TTN: variants seen among roughly 807,000 people sequenced by gnomAD.
The protein encoded by TTN is titin.
In TTN, 1,525 loss-of-function variants were observed where a neutral mutation model predicts 3,223.0. That is an observed-to-expected ratio of 0.47 (90% CI 0.45 to 0.49). The LOEUF (loss-of-function observed/expected upper bound fraction) is 0.49, where lower values mean the gene tolerates loss of function less well. Ranked by LOEUF, TTN falls within the 20% of genes least tolerant of loss-of-function variation. The pLI, the probability that TTN is intolerant of heterozygous loss-of-function variation, is 0.00. For missense variants in TTN, 40,786 were observed against 43,424.0 expected (o/e 0.94, Z 5.40); for synonymous variants, 14,094 against 15,161.0 (o/e 0.93, Z 5.17).
chr2:178,604,346 C>T, intron 281 of TTN, 41 bp from the exon 282 acceptor site: 1 of 1,379,994 alleles, frequency 7.2e-7, no homozygotes, highest in Non-Finnish European at 9.4e-7. Context: ...AGAGAATATA[C>T]TTATGTTGGT....
Position 178,667,228 on chromosome 2 carries a change from A to T in TTN, c.35797+8T>A. 6.3e-7 allele frequency: 1 copy of T among 1,589,240 alleles called. No individual in the cohort carries two copies. The highest frequency in any genetic ancestry group is 8.6e-7 in the Non-Finnish European group (1 of 1,166,976). ...CTTCTTTAGATTTTCCTAACTAGAG[A>T]ATTATACCTTCAGTTGGAGGATGTT... On this transcript the variant is annotated splice_region_variant and intron_variant, in intron 162 of 362. Coordinates refer to ENST00000589042, the MANE Select transcript of TTN (RefSeq NM_001267550.2).
In TTN at chr2:178,776,932, T is replaced by C; in HGVS notation, c.4932A>G (p.Lys1644=). The C allele has an allele frequency of 6.2e-7, 1 of 1,613,550 alleles. No individual in the cohort carries two copies. Among genetic ancestry groups the C allele is most frequent in the Non-Finnish European group, 8.5e-7 (1 of 1,179,780 alleles). The change falls in exon 28 of 363, where the codon AAA becomes AAG. Residue 1644 remains lysine (K), a synonymous_variant. Transcript: ENST00000589042. The part of the protein sequence containing the change: ...NKAGRDTTRC[K]VNVEVEFAEP... ...CTGCAAACTCAACTTCAACATTTAC[T>C]TTGCATCTTGTAGTGTCTCTGCCAG...
Position 178,605,628 on chromosome 2 carries a change from A to G in TTN, c.53667T>C (p.Asn17889=). The change falls in exon 279 of 363, where the codon AAT becomes AAC. Residue 17889 remains asparagine (N), a synonymous_variant. Coordinates refer to ENST00000589042, the MANE Select transcript of TTN (RefSeq NM_001267550.2). ...TATATCCTTGGATGGGACTGCCACC[A>G]TTACTGCGGGGCTCTTTCCAGTCAA... is the stretch of plus-strand genomic sequence containing the variant. The part of the protein sequence containing the change: ...ITLDWKEPRS[N]GGSPIQGYII... The G allele has an allele frequency of 1.2e-6, 2 of 1,611,746 alleles. No homozygotes were observed. The highest frequency in any genetic ancestry group is 1.7e-6 in the Non-Finnish European group (2 of 1,178,660).
rs374231453 is a variant in TTN, at chr2:178,632,650, T to C, written c.43356A>G (p.Arg14452=). ...KGTQEITGDD[R]FELIKDGTKH... Reference sequence around the variant, plus strand: ...TAGTGCCATCCTTTATAAGCTCAAATCTGTCATCACCTGTGATTTCCTGGG... The same window carrying C: ...TAGTGCCATCCTTTATAAGCTCAAACCTGTCATCACCTGTGATTTCCTGGG... The change falls in exon 235 of 363, where the codon AGA becomes AGG. Residue 14452 remains arginine (R), a synonymous_variant. Transcript: ENST00000589042. 1.9e-6 allele frequency: 3 copies of C among 1,613,502 alleles called. No homozygotes were observed. The highest frequency in any genetic ancestry group is 2.5e-6 in the Non-Finnish European group (3 of 1,179,576).
At chr2:178,694,096 GAC>G (rs1330358064) in intron 117 of TTN, 88 bp from the exon 118 acceptor site, 20 of 970,780 alleles carry the variant, frequency 2.1e-5, no homozygotes, top group Non-Finnish European at 3.1e-5. Flanking sequence ...CAAGTATTTA[GAC>G]ACAGAATGAG....
Position 178,677,255 on chromosome 2 carries a change from T to C in TTN, c.34324A>G (p.Lys11442Glu), listed in dbSNP as rs2068272831. 3.3e-6 allele frequency: 4 copies of C among 1,220,114 alleles called. No individual in the cohort carries two copies. In the South Asian group the frequency reaches 1.7e-4, roughly 51 times the overall value. The allele number at this position is 1,220,114 out of a possible 1,614,324, so 75.6% of individuals were successfully genotyped here. The change falls in exon 147 of 363, where the codon AAG becomes GAG. Residue 11442 changes from lysine (K) to glutamate (E), a missense_variant. Coordinates refer to ENST00000589042, the MANE Select transcript of TTN (RefSeq NM_001267550.2). ...PEVPKKPVPEKKVPVPAPKKV... is the reference protein window; with the variant it reads ...PEVPKKPVPEEKVPVPAPKKV... ...TTAGGGGCGGGAACAGGGACTTTCT[T>C]CTCTGGTACAGGTTTCTTTGGCACT...
Position 178,637,187 on chromosome 2 carries a change from A to C in TTN, c.40927+182T>G, listed in dbSNP as rs141092414. On this transcript the variant is annotated intron_variant, in intron 224 of 362. Transcript: ENST00000589042. ...TATATATATATATATATATATATAT[A>C]TATCTCCTTGCATAATACTAAAAGT... Among the ~76,000 whole-genome samples, 320 of 125,290 alleles carry C rather than the reference A, an allele frequency of 2.6e-3. 5 individuals carry two copies. The highest frequency in any genetic ancestry group is 9.3e-3 in the African/African-American group (307 of 32,852). 82.2% of individuals were successfully genotyped at this position (125,290 alleles called of 152,430 possible). A position where few individuals can be genotyped will look rare whatever the true frequency, so the allele number is the denominator to read the frequency against.
chr2:178,620,487 T>C lies in TTN; in HGVS notation c.46034A>G (p.Asn15345Ser). 1 of 1,612,436 alleles carries C rather than the reference T, an allele frequency of 6.2e-7. No individual in the cohort carries two copies. The highest frequency in any genetic ancestry group is 8.5e-7 in the Non-Finnish European group (1 of 1,178,986). Residue 15345 changes from asparagine to serine, a missense_variant, in exon 248 of 363, where the codon AAC becomes AGC. By Grantham distance (46) the Asn-to-Ser change is conservative. Transcript: ENST00000589042. ...CTTATCAACTCTGTATGAGACACGG[T>C]TGTCAAAAGGCACTTCTTCACCATT... ...TKNGEEVPFDNRVSYRVDKYK... is the reference protein window; with the variant it reads ...TKNGEEVPFDSRVSYRVDKYK...
chr2:178,741,749 A>C lies in TTN; in HGVS notation c.11484T>G (p.Asn3828Lys). ...TGPIFIKEVS[N>K]ADISMGDVAT... Reference sequence around the variant, plus strand: ...CCACATCCCCCATGCTTATATCAGCATTTGACACTTCTTTGATGAAAATTG... The same window carrying C: ...CCACATCCCCCATGCTTATATCAGCCTTTGACACTTCTTTGATGAAAATTG... Residue 3828 changes from asparagine to lysine, a missense_variant, in exon 48 of 363, where the codon AAT (asparagine) becomes AAG (lysine). Transcript: ENST00000589042. 6.2e-7 allele frequency: 1 copy of C among 1,613,668 alleles called. No homozygotes were observed. Among genetic ancestry groups the C allele is most frequent in the Admixed American group, 1.7e-5 (1 of 59,962 alleles).
Position 178,792,169 on chromosome 2 carries a change from A to G in TTN, c.1565T>C (p.Val522Ala), listed in dbSNP as rs752904431. The G allele has an allele frequency of 8.1e-6, 13 of 1,608,602 alleles. No individual in the cohort carries two copies. The highest frequency in any genetic ancestry group is 1.0e-5 in the Non-Finnish European group (12 of 1,178,762). The change falls in exon 10 of 363, where the codon GTA becomes GCA. Residue 522 changes from valine (V) to alanine (A), a missense_variant. By Grantham distance (64) the Val-to-Ala change is moderately conservative. Transcript: ENST00000589042. ...QIRKETEKTF[V>A]PKVVISAAKA... ...AGCTGCGGAAATTACTACCTTTGGT[A>G]CAAATGTTTTTTCAGTTTCTTTTCT...
At position 178,621,696 on chromosome 2, in the gene TTN, C is replaced by T. The variant is rs376144178; in HGVS notation, c.45128G>A (p.Ser15043Asn). ...FTKNLANIEV[S>N]ETDTIKLVCE... ...AACCAGTTTTATAGTGTCTGTTTCACTAACTTCAATGTTGGCAAGATTTTT... is the reference window on the plus strand; with the variant it reads ...AACCAGTTTTATAGTGTCTGTTTCATTAACTTCAATGTTGGCAAGATTTTT... The change falls in exon 245 of 363, where the codon AGT (serine) becomes AAT (asparagine). Residue 15043 changes from serine (S) to asparagine (N), a missense_variant. Physicochemically the swap from Ser to Asn is conservative, Grantham distance 46 (BLOSUM62 1). Transcript: ENST00000589042. 7.4e-5 allele frequency: 119 copies of T among 1,611,932 alleles called. No homozygotes were observed. Among genetic ancestry groups the T allele is most frequent in the Non-Finnish European group, 9.2e-5 (109 of 1,179,002 alleles).
In TTN at chr2:178,675,507, G is replaced by A. The variant is rs560743647; in HGVS notation, c.34537+164C>T. Among the ~76,000 whole-genome samples the A allele has an allele frequency of 1.3e-4, 19 of 151,856 alleles. No individual in the cohort carries two copies. In the South Asian group the frequency reaches 2.3e-3, roughly 18 times the overall value. On this transcript the variant is annotated intron_variant, in intron 149 of 362. Coordinates refer to ENST00000589042, the MANE Select transcript of TTN (RefSeq NM_001267550.2). ...ACGATGTAAAGCACACCAACACCAA[G>A]TGAAAAAATGGACACAACACAAACT...
intron 221 of TTN, among the ~76,000 whole-genome samples, 182 bp from the exon 222 acceptor site, chr2:178,640,292 A>C (rs778705805): frequency 6.6e-6 from 1 of 152,006 alleles, no homozygotes; most frequent in Non-Finnish European, 1.5e-5. Flanking sequence ...ATAGTAAGGC[A>C]ATGTTCTTGG....
chr2:178,579,338 T>G lies in TTN; in HGVS notation c.67692A>C (p.Glu22564Asp). 1 of 1,605,804 alleles carries G rather than the reference T, an allele frequency of 6.2e-7. No homozygotes were observed. The highest frequency in any genetic ancestry group is 8.5e-7 in the Non-Finnish European group (1 of 1,175,862). The part of the protein sequence containing the change: ...GLPDLCYLAK[E>D]NSNFRLKIPI... ...GGATCTTAAGCCGGAAGTTGCTGTT[T>G]TCTTTAGCCAAGTAGCACAAATCAG... The change falls in exon 320 of 363, where the codon GAA becomes GAC. Residue 22564 changes from glutamate (E) to aspartate (D), a missense_variant. Coordinates refer to ENST00000589042, the MANE Select transcript of TTN (RefSeq NM_001267550.2).
In TTN at chr2:178,764,817, A is replaced by G. The variant is rs781748461; in HGVS notation, c.9704-6T>C. 1.2e-6 allele frequency: 2 copies of G among 1,612,570 alleles called. No individual in the cohort carries two copies. Among genetic ancestry groups the G allele is most frequent in the Non-Finnish European group, 8.5e-7 (1 of 1,179,816 alleles). ...AACTTGGGGCGGTTCAGGAGCTAGG[A>G]GTAAATGTTGACAAATAGCCCATGA... On this transcript the variant is annotated splice_region_variant and splice_polypyrimidine_tract_variant and intron_variant, in intron 41 of 362. Transcript: ENST00000589042.
chr2:178,793,892 G>A (rs1472555703), intron 8 of TTN, among the ~76,000 whole-genome samples: 5 of 152,206 alleles, frequency 3.3e-5, no homozygotes, highest in African/African-American at 1.2e-4. Flanking sequence ...ATTTTAAACT[G>A]TAACAGAAAA....
At chr2:178,639,533 G>T (rs937394806) in intron 223 of TTN, among the ~76,000 whole-genome samples, 166 bp downstream of exon 223, 1 of 152,036 alleles carries the variant, frequency 6.6e-6, no homozygotes, top group African/African-American at 2.4e-5. Flanking sequence ...AGACAAGGTG[G>T]ATAAAGGATA....
At chr2:178,672,366 A>C (rs1577221062) in intron 154 of TTN, 41 bp downstream of exon 154, 2 of 1,599,900 alleles carry the variant, frequency 1.3e-6, no homozygotes, top group East Asian at 4.5e-5. Flanking sequence ...AAAGGATTGC[A>C]TGCAACAATA....
chr2:178,634,672 G>A lies in TTN; in HGVS notation c.42152-43C>T. On this transcript the variant is annotated intron_variant, in intron 229 of 362. Coordinates refer to ENST00000589042, the MANE Select transcript of TTN (RefSeq NM_001267550.2). This position sits in a 1 kb window ranked among gnomAD's most constrained non-coding sequence, Gnocchi z 4.6. The stretch of plus-strand genomic sequence containing the variant: ...AGAATGAGGCTTTTCAGAATGCACA[G>A]GGAAGTGAAATAAAGTTGAGACCCC... The A allele has an allele frequency of 5.6e-6, 9 of 1,612,006 alleles. No individual in the cohort carries two copies. Among genetic ancestry groups the A allele is most frequent in the Non-Finnish European group, 7.6e-6 (9 of 1,179,178 alleles).
Sources: allele counts gnomAD v4.1 joint callset (sites outside exome capture counted in the v4.1 genomes callset), GRCh38; gene constraint gnomAD v4.1.1; non-coding constraint Gnocchi (gnomAD v3.1); transcripts MANE v1.5; gene names NCBI Gene and HGNC (gene_info 2026-07-23, HGNC 2026-07-21).